CPXM2: variants seen among roughly 807,000 people sequenced by gnomAD.
CPXM2 encodes the protein carboxypeptidase X, M14 family member 2, also known as inactive carboxypeptidase-like protein X2.
In CPXM2, 66 loss-of-function variants were observed where a neutral mutation model predicts 86.1. The ratio of observed to expected loss-of-function variants is 0.77; its 90% CI spans 0.63 to 0.94. CPXM2 has a LOEUF of 0.94. Among genes scored for constraint, CPXM2 ranks in the 40% least tolerant of loss-of-function variants. The pLI is 0.00. For synonymous variants in CPXM2, 388 were observed against 400.2 expected (o/e 0.97, Z 0.36); for missense variants, 948 against 1,026.3 (o/e 0.92, Z 1.04).
intron 3 of CPXM2, among the ~76,000 whole-genome samples, chr10:123,857,634 ATGGAAGG>A (rs1848760504): frequency 1.4e-4 from 13 of 94,414 alleles, no homozygotes; most frequent in South Asian, 3.6e-4. Flanking sequence ...CGGCGTGGAG[ATGGAAGG>A]CGGCGTGGAG....
intron 4 of CPXM2, among the ~76,000 whole-genome samples, chr10:123,824,342 A>C (rs1847999453): frequency 6.6e-6 from 1 of 152,248 alleles, no homozygotes; most frequent in South Asian, 2.1e-4. Flanking sequence ...AAGAAGAAAA[A>C]TATTGACTTC....
intron 4 of CPXM2, among the ~76,000 whole-genome samples, chr10:123,808,413 G>T (rs1295173089): frequency 6.6e-6 from 1 of 151,750 alleles, no homozygotes; most frequent in Non-Finnish European, 1.5e-5. Context: ...CTGAAAAAAA[G>T]AATAGTGAGT....
At chr10:123,883,376 CT>C (rs1945125719) in intron 1 of CPXM2, among the ~76,000 whole-genome samples, 1 of 152,228 alleles carries the variant, frequency 6.6e-6, no homozygotes, top group African/African-American at 2.4e-5. Context: ...ATGTCTGCCC[CT>C]GTACCCTCAG....
At position 123,757,207 on chromosome 10, in the gene CPXM2, A is replaced by C; in HGVS notation, c.1917+6T>G. 2 of 1,613,730 alleles carry C rather than the reference A, an allele frequency of 1.2e-6. No individual in the cohort carries two copies. Among genetic ancestry groups the C allele is most frequent in the Non-Finnish European group, 1.7e-6 (2 of 1,179,780 alleles). Reference sequence around the variant, plus strand: ...CCCTCATCCCAGCCACACACCCGCAATATACCTGCTCCATGAACACGATCA... The same window carrying C: ...CCCTCATCCCAGCCACACACCCGCACTATACCTGCTCCATGAACACGATCA... On this transcript the variant is annotated splice_donor_region_variant and intron_variant, in intron 12 of 13. Transcript: ENST00000241305.
At chr10:123,937,566 ATC>A (rs1365869965) in intron 2 of CPXM2, among the ~76,000 whole-genome samples, 4 of 151,428 alleles carry the variant, frequency 2.6e-5, no homozygotes, top group Non-Finnish European at 5.9e-5. Context: ...CTGGAATTTT[ATC>A]TCTTTGTTCA....
In CPXM2 at chr10:123,891,319, C is replaced by T. The variant is rs893106844; in HGVS notation, c.304+37G>A. 12 of 1,442,300 alleles carry T rather than the reference C, an allele frequency of 8.3e-6. No individual in the cohort carries two copies. In the African/African-American group the frequency reaches 1.6e-4, roughly 19 times the overall value. 89.3% of individuals were successfully genotyped at this position (1,442,300 alleles called of 1,614,324 possible). The stretch of plus-strand genomic sequence containing the variant: ...TCCCCTGGAGGCGCGCAACCACCGG[C>T]GCCCCCTCGGGCTGCCCAGCGCAGA... On this transcript the variant is annotated intron_variant, in intron 1 of 13. Transcript: ENST00000241305. This position sits in a 1 kb window ranked among gnomAD's most constrained non-coding sequence, Gnocchi z 5.6.
intron 6 of CPXM2, among the ~76,000 whole-genome samples, chr10:123,794,970 A>T (rs1490196760): frequency 1.3e-5 from 2 of 152,162 alleles, no homozygotes; most frequent in Non-Finnish European, 2.9e-5. Flanking sequence ...GGGTTTCAGC[A>T]TGTTGGCCAG....
At chr10:123,835,165 C>T (rs1327774632) in intron 4 of CPXM2, among the ~76,000 whole-genome samples, 3 of 152,144 alleles carry the variant, frequency 2.0e-5, no homozygotes, top group Non-Finnish European at 4.4e-5. Context: ...GAAGGAGGCC[C>T]ACAGCAAGGG....
intron 6 of CPXM2, among the ~76,000 whole-genome samples, chr10:123,791,026 C>A (rs903721015): frequency 1.3e-5 from 2 of 152,090 alleles, no homozygotes; most frequent in African/African-American, 4.8e-5. Context: ...GCCACATCAT[C>A]AGGGGTGAGG....
chr10:123,829,417 G>T (rs1848117943), intron 4 of CPXM2, among the ~76,000 whole-genome samples: 1 of 151,434 alleles, frequency 6.6e-6, no homozygotes, highest in Admixed American at 6.6e-5. Flanking sequence ...TATTGCCTCG[G>T]CCTCCCAAAG....
Position 123,881,269 on chromosome 10 carries a change from G to A in CPXM2, c.305-960C>T, listed in dbSNP as rs1435457594. ...TTCCCTTCCCTTCCCTTCCCTTTAC[G>A]CTCAAGCTAATTAGCTCCTACTGAT... On this transcript the variant is annotated intron_variant, in intron 1 of 13. Transcript: ENST00000241305. 5.0e-5 allele frequency among the ~76,000 whole-genome samples: 3 copies of A among 59,576 alleles called. 1 individual carries two copies. The highest frequency in any genetic ancestry group is 2.9e-4 in the African/African-American group (3 of 10,376). The allele number at this position is 59,576 out of a possible 152,430, so 39.1% of individuals were successfully genotyped here. A position where few individuals can be genotyped will look rare whatever the true frequency, so the allele number is the denominator to read the frequency against.
upstream of CPXM2, among the ~76,000 whole-genome samples, chr10:123,893,644 C>T (rs1411190187): frequency 6.6e-6 from 1 of 151,604 alleles, no homozygotes; most frequent in East Asian, 2.0e-4. Flanking sequence ...CCACTCTTTG[C>T]TCCCCAACCC....
chr10:123,824,612 T>C (rs1848007668), intron 4 of CPXM2, among the ~76,000 whole-genome samples: 1 of 152,146 alleles, frequency 6.6e-6, no homozygotes, highest in Non-Finnish European at 1.5e-5. Flanking sequence ...AGTCAACCTG[T>C]AGTGCTGGAT....
At chr10:123,873,267 G>A (rs1944922164) in intron 2 of CPXM2, among the ~76,000 whole-genome samples, 2 of 146,728 alleles carry the variant, frequency 1.4e-5, no homozygotes, top group Admixed American at 6.9e-5. Context: ...GTAGAAAATT[G>A]AAATTAAAAG....
At chr10:123,850,671 G>T (rs538292370) in intron 3 of CPXM2, among the ~76,000 whole-genome samples, 99 of 152,276 alleles carry the variant, frequency 6.5e-4, no homozygotes, top group African/African-American at 2.3e-3. Flanking sequence ...ATTCAGATAT[G>T]CCCAGGAGAC....
chr10:123,912,310 G>A (rs1330958659), intron 2 of CPXM2, among the ~76,000 whole-genome samples: 2 of 82,918 alleles, frequency 2.4e-5, no homozygotes, highest in Non-Finnish European at 5.0e-5. Flanking sequence ...ATGGTGGGCG[G>A]GGGGGGGGGG....
chr10:123,855,546 C>T (rs556878268), intron 3 of CPXM2, among the ~76,000 whole-genome samples: 1 of 152,236 alleles, frequency 6.6e-6, no homozygotes, highest in Non-Finnish European at 1.5e-5. Flanking sequence ...GTGGCCTCCA[C>T]CTTTGGTCAA....
intron 2 of CPXM2, among the ~76,000 whole-genome samples, chr10:123,876,668 A>T (rs1043485830): frequency 3.9e-5 from 6 of 152,178 alleles, no homozygotes; most frequent in Non-Finnish European, 8.8e-5. Context: ...AATATCCTGG[A>T]TTTTGGCTCT....
chr10:123,903,445 A>C (rs1229202710), intron 2 of CPXM2, among the ~76,000 whole-genome samples: 2 of 150,650 alleles, frequency 1.3e-5, no homozygotes, highest in African/African-American at 4.9e-5. Flanking sequence ...ATGCACTGAA[A>C]TTGACTTTCA....
Sources: gnomAD v4.1 joint callset for allele counts (sites outside exome capture counted in the v4.1 genomes callset) on GRCh38, gnomAD v4.1.1 for gene constraint, Gnocchi (gnomAD v3.1) non-coding constraint, MANE v1.5 for transcripts, NCBI Gene and HGNC (gene_info 2026-07-23, HGNC 2026-07-21) for gene names.